RNF17: variants seen among roughly 807,000 people sequenced by gnomAD.
RNF17 encodes spermatogenesis associated 23.
In RNF17, 31 loss-of-function variants were observed where a neutral mutation model predicts 200.5. That is an observed-to-expected ratio of 0.15 (90% CI 0.12 to 0.21). RNF17 has a LOEUF of 0.21. Ranked by LOEUF, RNF17 falls within the 10% of genes least tolerant of loss-of-function variation. The pLI, the probability that RNF17 is intolerant of heterozygous loss-of-function variation, is 1.00. For missense variants in RNF17, 1,628 were observed against 1,905.1 expected (o/e 0.85, Z 2.71); for synonymous variants, 606 against 637.8 (o/e 0.95, Z 0.75).
intron 2 of RNF17, among the ~76,000 whole-genome samples, chr13:24,768,066 A>G (rs1042899501): frequency 1.3e-5 from 2 of 152,144 alleles, no homozygotes; most frequent in Non-Finnish European, 2.9e-5. Context: ...CATCAAATGT[A>G]CATTTGGGAG....
Position 24,866,152 on chromosome 13 carries a change from A to T in RNF17, c.4110A>T (p.Arg1370Ser), listed in dbSNP as rs1314058338. The change falls in exon 30 of 36, where the codon AGA becomes AGT. Residue 1370 changes from arginine to serine, a missense_variant. Transcript: ENST00000255324. ...ATACCATATTATTTCAGAAACCAAGATCAGATCATGATAAAAAGTATGAAG... is the reference window on the plus strand; with the variant it reads ...ATACCATATTATTTCAGAAACCAAGTTCAGATCATGATAAAAAGTATGAAG... ...HTEEMLKEKP[R>S]SDHDKKYEEE... The T allele has an allele frequency of 3.3e-6, 5 of 1,519,096 alleles. No homozygotes were observed. The highest frequency in any genetic ancestry group is 4.6e-6 in the Non-Finnish European group (5 of 1,097,062). 94.1% of individuals were successfully genotyped at this position (1,519,096 alleles called of 1,614,324 possible).
chr13:24,845,630 T>G (rs1348589985), intron 22 of RNF17, among the ~76,000 whole-genome samples: 3 of 152,138 alleles, frequency 2.0e-5, no homozygotes, highest in Non-Finnish European at 4.4e-5. Context: ...GAAGGCAGAC[T>G]AGGATTCCAA....
At chr13:24,779,518 TTTG>T in intron 4 of RNF17, 146 bp from the exon 5 acceptor site, 1 of 551,928 alleles carries the variant, frequency 1.8e-6, no homozygotes, top group Non-Finnish European at 3.2e-6. Context: ...GAATGTTATT[TTTG>T]TTGCTTGTTT....
At position 24,861,027 on chromosome 13, in the gene RNF17, A is replaced by T. The variant is rs1014998068; in HGVS notation, c.3775-241A>T. On this transcript the variant is annotated intron_variant, in intron 26 of 35. Transcript: ENST00000255324. ...TGAGTAGCCGGGACTACAGGCGCAT[A>T]CCACCACAGACAGCTAATTTTTTTT... 3.3e-5 allele frequency among the ~76,000 whole-genome samples: 5 copies of T among 152,128 alleles called. 1 individual carries two copies. Among genetic ancestry groups the T allele is most frequent in the Middle Eastern group, 3.4e-3 (1 of 294 alleles).
At chr13:24,748,094 C>G in the RNF17 span, among the ~76,000 whole-genome samples, 1 of 152,124 alleles carries the variant, frequency 6.6e-6, no homozygotes, top group East Asian at 1.9e-4. Flanking sequence ...ATTTTCTTTC[C>G]AGCCCGCGAA....
chr13:24,764,404 G>C (rs918136783), intron 1 of RNF17, 71 bp downstream of exon 1: 62 of 1,482,816 alleles, frequency 4.2e-5, no homozygotes, highest in Non-Finnish European at 5.3e-5. Context: ...GTGAGCTGGT[G>C]GGCGCGTGAG....
At chr13:24,872,432 CTG>C (rs1337718483) in intron 32 of RNF17, among the ~76,000 whole-genome samples, 5 of 152,174 alleles carry the variant, frequency 3.3e-5, no homozygotes, top group African/African-American at 9.7e-5. Flanking sequence ...AGATGGGAAA[CTG>C]AGGCGCATGC....
At position 24,779,731 on chromosome 13, in the gene RNF17, T is replaced by C; in HGVS notation, c.494T>C (p.Leu165Ser). ...LNTAHHSFEQ[L>S]SIAGKALEHM... The stretch of plus-strand genomic sequence containing the variant: ...ACAGCACACCATAGTTTCGAACAGT[T>C]AAGCATTGCTGGAAAAGTAAGCACT... The change falls in exon 5 of 36, where the codon TTA becomes TCA. Residue 165 changes from leucine (L) to serine (S), a missense_variant. Physicochemically the swap from Leu to Ser is moderately radical, Grantham distance 145. Coordinates refer to ENST00000255324, the MANE Select transcript of RNF17 (RefSeq NM_031277.3). The C allele has an allele frequency of 6.2e-7, 1 of 1,613,172 alleles. No homozygotes were observed. Among genetic ancestry groups the C allele is most frequent in the Non-Finnish European group, 8.5e-7 (1 of 1,179,256 alleles).
chr13:24,764,017 T>C (rs1187594649), upstream of RNF17: 2 of 498,280 alleles, frequency 4.0e-6, no homozygotes, highest in Non-Finnish European at 7.1e-6. Context: ...GCGCCCCTTC[T>C]AGGAGTGGTA....
At chr13:24,846,971 A>T (rs1057188496) in intron 22 of RNF17, among the ~76,000 whole-genome samples, 4 of 152,202 alleles carry the variant, frequency 2.6e-5, no homozygotes, top group African/African-American at 7.2e-5. Context: ...AAGCTAAAAG[A>T]TTCGAAAGAC....
chr13:24,866,357 G>A (rs1047986638), intron 30 of RNF17, among the ~76,000 whole-genome samples, 154 bp downstream of exon 30: 5 of 136,944 alleles, frequency 3.7e-5, no homozygotes, highest in African/African-American at 5.3e-5. Flanking sequence ...GTTTAATATC[G>A]TTCACTGTTT....
At position 24,781,657 on chromosome 13, in the gene RNF17, T is replaced by A. The variant is rs79893123; in HGVS notation, c.511-187T>A. Among the ~76,000 whole-genome samples, 811 of 152,204 alleles carry A rather than the reference T, an allele frequency of 5.3e-3. 22 individuals are homozygous for A. In the East Asian group the frequency reaches 0.082, roughly 15 times the overall value. On this transcript the variant is annotated intron_variant, in intron 5 of 35. Coordinates refer to ENST00000255324, the MANE Select transcript of RNF17 (RefSeq NM_031277.3). Reference sequence around the variant, plus strand: ...TCTCAGTAAAACAAACAAAAAGATATGGTCTTGCTCACAAATAGTAAAACT... The same window carrying A: ...TCTCAGTAAAACAAACAAAAAGATAAGGTCTTGCTCACAAATAGTAAAACT...
Position 24,879,198 on chromosome 13 carries a change from A to G in RNF17, c.4785A>G (p.Pro1595=). 2 of 1,612,930 alleles carry G rather than the reference A, an allele frequency of 1.2e-6. No homozygotes were observed. The highest frequency in any genetic ancestry group is 8.5e-7 in the Non-Finnish European group (1 of 1,178,944). ...TCTTTTAATTTTAGGCTCCAGCACC[A>G]GAACAGATAGTGACATTATATGACG... is the stretch of plus-strand genomic sequence containing the variant. ...QLYAVSMAPA[P]EQIVTLYDDE... is the part of the protein sequence containing the mutation. Residue 1595 remains proline, a synonymous_variant, in exon 35 of 36, where the codon CCA becomes CCG. Coordinates refer to ENST00000255324, the MANE Select transcript of RNF17 (RefSeq NM_031277.3).
intron 15 of RNF17, among the ~76,000 whole-genome samples, chr13:24,810,027 C>G (rs899313944): frequency 5.9e-5 from 9 of 151,884 alleles, no homozygotes; most frequent in Non-Finnish European, 1.0e-4. Context: ...AATTTCTGTT[C>G]TTTTACATTT....
chr13:24,842,471 T>C (rs968274183), intron 19 of RNF17, among the ~76,000 whole-genome samples: 2 of 152,182 alleles, frequency 1.3e-5, no homozygotes, highest in Non-Finnish European at 1.5e-5. Context: ...GAGAAAGGAA[T>C]TGGGAAGAGA....
Position 24,802,377 on chromosome 13 carries a change from A to G in RNF17, c.1759-4A>G, listed in dbSNP as rs376436207. ...TTACTATGGAATTTTACTTTCTTGCACAGAATGAAGGCTGGGAAGAGGAAG... is the reference window on the plus strand; with the variant it reads ...TTACTATGGAATTTTACTTTCTTGCGCAGAATGAAGGCTGGGAAGAGGAAG... On this transcript the variant is annotated splice_polypyrimidine_tract_variant and splice_region_variant and intron_variant, in intron 13 of 35. Transcript: ENST00000255324. The G allele has an allele frequency of 2.5e-6, 4 of 1,604,388 alleles. No individual in the cohort carries two copies. The highest frequency in any genetic ancestry group is 2.2e-5 in the South Asian group (2 of 89,414).
intron 18 of RNF17, among the ~76,000 whole-genome samples, chr13:24,836,566 C>G (rs1447561197): frequency 1.3e-5 from 2 of 152,162 alleles, no homozygotes; most frequent in African/African-American, 4.8e-5. Flanking sequence ...CCTCCTCAAA[C>G]AAAACAATTT....
At chr13:24,781,991 A>G (rs750302018) in intron 6 of RNF17, 47 bp downstream of exon 6, 14 of 1,166,462 alleles carry the variant, frequency 1.2e-5, no homozygotes, top group East Asian at 4.7e-5. Context: ...AGTTTCTAAC[A>G]CTAACTTGTC....
chr13:24,872,573 G>A lies in RNF17; in HGVS notation c.4448-1541G>A, dbSNP rs541569419. 2.0e-5 allele frequency among the ~76,000 whole-genome samples: 3 copies of A among 152,078 alleles called. No homozygotes were observed. The South Asian group carries it at 6.3e-4, about 32-fold the overall frequency. ...TGAGTATTTGCTTGTATCAGGTACC[G>A]TGTTAGGAATACAAACATCAGTTCT... On this transcript the variant is annotated intron_variant, in intron 32 of 35. Coordinates refer to ENST00000255324, the MANE Select transcript of RNF17 (RefSeq NM_031277.3).
Sources: allele counts gnomAD v4.1 joint callset (sites outside exome capture counted in the v4.1 genomes callset), GRCh38; gene constraint gnomAD v4.1.1; transcripts MANE v1.5; gene names NCBI Gene and HGNC (gene_info 2026-07-23, HGNC 2026-07-21).